NFKB1: variants seen among roughly 807,000 people sequenced by gnomAD.
NFKB1 encodes the protein nuclear factor NF-kappa-B p105 subunit.
NFKB1 carries 9 observed loss-of-function variants against 105.1 expected under a neutral mutation model. The observed-to-expected ratio is 0.09, with a 90% confidence interval of 0.05 to 0.15. NFKB1 has a LOEUF of 0.15. Among genes scored for constraint, NFKB1 ranks in the 10% least tolerant of loss-of-function variants. The pLI is 1.00. For synonymous variants in NFKB1, 440 were observed against 442.2 expected (o/e 1.00, Z 0.06); for missense variants, 830 against 1,203.7 (o/e 0.69, Z 4.59).
At chr4:102,518,106 A>G (rs906269007) in intron 1 of NFKB1, among the ~76,000 whole-genome samples, 1 of 152,194 alleles carries the variant, frequency 6.6e-6, no homozygotes, top group Non-Finnish European at 1.5e-5. Flanking sequence ...TGAAGAAAAT[A>G]ATCAGCAGAA....
At chr4:102,609,033 G>C (rs1224594535) in intron 19 of NFKB1, among the ~76,000 whole-genome samples, 1 of 151,624 alleles carries the variant, frequency 6.6e-6, no homozygotes, top group Non-Finnish European at 1.5e-5. Flanking sequence ...TGCGCCTATA[G>C]TCGCAGCTAG....
At chr4:102,584,205 A>C (rs976333382) in intron 10 of NFKB1, among the ~76,000 whole-genome samples, 3 of 152,136 alleles carry the variant, frequency 2.0e-5, no homozygotes, top group African/African-American at 7.2e-5. Flanking sequence ...TTAAATCCCT[A>C]ACATACCACC....
chr4:102,566,297 CA>C (rs1723861538), intron 5 of NFKB1, among the ~76,000 whole-genome samples: 1 of 152,082 alleles, frequency 6.6e-6, no homozygotes, highest in Non-Finnish European at 1.5e-5. Flanking sequence ...CAACAGCAAA[CA>C]GGGGTGAAAT....
chr4:102,502,046 C>T (rs1333346799), intron 1 of NFKB1: 1 of 151,902 alleles, frequency 6.6e-6, no homozygotes, highest in East Asian at 1.9e-4. Context: ...CTCTTCACGT[C>T]CCTCCGCGGG....
At chr4:102,515,104 A>ATTTTTTTTTTTTTTT (rs761237095) in intron 1 of NFKB1, among the ~76,000 whole-genome samples, 21 of 113,500 alleles carry the variant, frequency 1.9e-4, no homozygotes, top group Non-Finnish European at 2.5e-4. Context: ...TATTATTATT[A>ATTTTTTTTTTTTTTT]TTATTTTTTT....
chr4:102,602,339 G>T (rs1007103355), intron 16 of NFKB1, among the ~76,000 whole-genome samples: 6 of 150,832 alleles, frequency 4.0e-5, no homozygotes, highest in Non-Finnish European at 7.4e-5. Flanking sequence ...GATCATCCTG[G>T]CTAACATGGT....
intron 6 of NFKB1, among the ~76,000 whole-genome samples, chr4:102,567,936 G>C (rs1449495225): frequency 6.6e-6 from 1 of 152,128 alleles, no homozygotes; most frequent in Non-Finnish European, 1.5e-5. Context: ...GTTGTTTTAA[G>C]TCTTTCTTTG....
chr4:102,599,134 G>A (rs1726909402), intron 15 of NFKB1, among the ~76,000 whole-genome samples: 1 of 152,116 alleles, frequency 6.6e-6, no homozygotes, highest in South Asian at 2.1e-4. Context: ...AGGATTTGAG[G>A]GGGAGGGGGA....
chr4:102,597,775 A>G, intron 15 of NFKB1, 114 bp downstream of exon 15: 1 of 1,242,988 alleles, frequency 8.0e-7, no homozygotes, highest in Non-Finnish European at 1.1e-6. Context: ...GAGTCCTCTA[A>G]CTGGAATGAT....
chr4:102,526,495 T>C (rs1331918631), intron 2 of NFKB1, among the ~76,000 whole-genome samples: 2 of 152,134 alleles, frequency 1.3e-5, no homozygotes, highest in Non-Finnish European at 2.9e-5. Context: ...ACCCCATCAA[T>C]TTATACCAAA....
At chr4:102,612,680 T>C (rs1728539087) in intron 22 of NFKB1, 74 bp downstream of exon 22, 1 of 1,370,520 alleles carries the variant, frequency 7.3e-7, no homozygotes, top group Non-Finnish European at 1.0e-6. Context: ...CAGGGCATAA[T>C]CTCCTTCCCT....
At chr4:102,578,638 A>G in intron 7 of NFKB1, 1 of 516,074 alleles carries the variant, frequency 1.9e-6, no homozygotes. Flanking sequence ...GAGGGAGGCG[A>G]TCTGATACAC....
intron 1 of NFKB1, among the ~76,000 whole-genome samples, chr4:102,509,485 C>G (rs1362667142): frequency 6.6e-6 from 1 of 152,248 alleles, no homozygotes; most frequent in Non-Finnish European, 1.5e-5. Flanking sequence ...AGTAATTGTG[C>G]TATATTTACT....
Position 102,616,567 on chromosome 4 carries a change from G to T in NFKB1, c.2883G>T (p.Gln961His). Residue 961 changes from glutamine (Q) to histidine (H), a missense_variant, in exon 24 of 24, where the codon CAG becomes CAT. Physicochemically the swap from Gln to His is conservative, Grantham distance 24. Transcript: ENST00000226574. ...ACAAAATGCCCCATGATTATGGGCA[G>T]GAAGGACCTCTAGAAGGCAAAATTT... is the stretch of plus-strand genomic sequence containing the variant. Reference protein sequence around the residue: ...TLNKMPHDYGQEGPLEGKI With the variant: ...TLNKMPHDYGHEGPLEGKI 1 of 1,614,110 alleles carries T rather than the reference G, an allele frequency of 6.2e-7. No individual in the cohort carries two copies. Among genetic ancestry groups the T allele is most frequent in the Non-Finnish European group, 8.5e-7 (1 of 1,180,024 alleles).
At position 102,593,092 on chromosome 4, in the gene NFKB1, G is replaced by A. The variant is rs189765569; in HGVS notation, c.1067-333G>A. 6.8e-4 allele frequency among the ~76,000 whole-genome samples: 104 copies of A among 152,250 alleles called. 1 individual carries two copies. The highest frequency in any genetic ancestry group is 2.3e-3 in the African/African-American group (96 of 41,542). On this transcript the variant is annotated intron_variant, in intron 11 of 23. Coordinates refer to ENST00000226574, the MANE Select transcript of NFKB1 (RefSeq NM_003998.4). ...AGTTATTTTGTGTGACCAAGCAAAA[G>A]GGTCAATAATTTTTTAATTCAGCAT...
At chr4:102,572,819 C>T (rs960140634) in intron 6 of NFKB1, among the ~76,000 whole-genome samples, 10 of 152,242 alleles carry the variant, frequency 6.6e-5, no homozygotes, top group African/African-American at 1.7e-4. Flanking sequence ...TATTTAACCA[C>T]GTATTTATCA....
chr4:102,533,354 C>T (rs982551526), intron 3 of NFKB1, among the ~76,000 whole-genome samples: 2 of 152,218 alleles, frequency 1.3e-5, no homozygotes, highest in Non-Finnish European at 1.5e-5. Context: ...GTCTATCAGA[C>T]GTATACATAC....
At chr4:102,607,432 GTT>G in intron 18 of NFKB1, 113 bp downstream of exon 18, 1 of 1,268,948 alleles carries the variant, frequency 7.9e-7, no homozygotes, top group East Asian at 2.3e-5. Context: ...AGCTCTATTT[GTT>G]TAACATTTAT....
intron 3 of NFKB1, among the ~76,000 whole-genome samples, chr4:102,530,580 G>A (rs1741222124): frequency 6.6e-6 from 1 of 152,132 alleles, no homozygotes; most frequent in Non-Finnish European, 1.5e-5. Flanking sequence ...GTCACCAGTG[G>A]GACTTAACAG....
Sources: allele counts gnomAD v4.1 joint callset (sites outside exome capture counted in the v4.1 genomes callset), GRCh38; gene constraint gnomAD v4.1.1; transcripts MANE v1.5; gene names NCBI Gene and HGNC (gene_info 2026-07-23, HGNC 2026-07-21).